SSR3: variants seen among roughly 807,000 people sequenced by gnomAD.
SSR3 encodes the protein signal sequence receptor subunit 3.
A neutral mutation model predicts 22.1 loss-of-function variants in SSR3; 10 were observed. That is an observed-to-expected ratio of 0.45 (90% CI 0.28 to 0.77). The LOEUF is 0.77. Ranked by LOEUF, SSR3 falls within the 30% of genes least tolerant of loss-of-function variation. SSR3 has a pLI of 0.13. For synonymous variants in SSR3, 104 were observed against 82.5 expected, an observed-to-expected ratio of 1.26 and a Z score of -1.42; for missense variants, 181 against 220.5, an observed-to-expected ratio of 0.82 and a Z score of 1.13.
chr3:156,545,074 T>G (rs1719713008), intron 3 of SSR3, among the ~76,000 whole-genome samples: 1 of 152,374 alleles, frequency 6.6e-6, no homozygotes, highest in African/African-American at 2.4e-5. Flanking sequence ...CATCCATCTT[T>G]TCTTTTACCC....
chr3:156,549,701 G>C (rs1464465742), intron 2 of SSR3, among the ~76,000 whole-genome samples: 2 of 152,052 alleles, frequency 1.3e-5, no homozygotes, highest in Non-Finnish European at 2.9e-5. Flanking sequence ...TTAATAAAAA[G>C]AAAACGTTTA....
chr3:156,544,302 G>A lies in SSR3; in HGVS notation c.491+6C>T. On this transcript the variant is annotated splice_donor_region_variant and intron_variant, in intron 4 of 4. Coordinates refer to ENST00000265044, the MANE Select transcript of SSR3 (RefSeq NM_007107.5). ...TAAAAAAGATAATCAACCTTGAAAA[G>A]GATACACTGTGGGGTTGAAGTTCTT... is the stretch of plus-strand genomic sequence containing the variant. The A allele has an allele frequency of 6.4e-7, 1 of 1,563,562 alleles. No individual in the cohort carries two copies. Among genetic ancestry groups the A allele is most frequent in the Non-Finnish European group, 8.6e-7 (1 of 1,157,164 alleles).
Position 156,555,073 on chromosome 3 carries a change from C to A in SSR3, c.17G>T (p.Ser6Ile), listed in dbSNP as rs370480065. The A allele has an allele frequency of 4.0e-5, 65 of 1,613,802 alleles. No individual in the cohort carries two copies. Among genetic ancestry groups the A allele is most frequent in the South Asian group, 4.0e-4 (36 of 91,088 alleles). MAPKG[S>I]SKQQSEEDLL... ...GTCCTCCTCAGACTGCTGTTTGGAG[C>A]TGCCTTTAGGAGCCATGGCGGAGCT... Residue 6 changes from serine (S) to isoleucine (I), a missense_variant, in exon 1 of 5, where the codon AGC (serine) becomes ATC (isoleucine). Transcript: ENST00000265044.
chr3:156,554,419 T>C (rs1030143626), intron 1 of SSR3, among the ~76,000 whole-genome samples: 1 of 152,190 alleles, frequency 6.6e-6, no homozygotes, highest in Non-Finnish European at 1.5e-5. Flanking sequence ...TATTAAAAAG[T>C]ATAAATAAGG....
At chr3:156,545,902 G>T (rs754040949) in intron 3 of SSR3, among the ~76,000 whole-genome samples, 1 of 152,186 alleles carries the variant, frequency 6.6e-6, no homozygotes, top group Non-Finnish European at 1.5e-5. Flanking sequence ...ACACTAGAAT[G>T]AACACTCAGG....
chr3:156,554,939 C>T lies in SSR3; in HGVS notation c.133+18G>A. ...CTAGCCGGCGGCCTGCCTAACCCGCCTCGCTCCCAGCACTCACAGATGGGG... is the reference window on the plus strand; with the variant it reads ...CTAGCCGGCGGCCTGCCTAACCCGCTTCGCTCCCAGCACTCACAGATGGGG... On this transcript the variant is annotated intron_variant, in intron 1 of 4. Coordinates refer to ENST00000265044, the MANE Select transcript of SSR3 (RefSeq NM_007107.5). 6.2e-7 allele frequency: 1 copy of T among 1,610,256 alleles called. No individual in the cohort carries two copies. Among genetic ancestry groups the T allele is most frequent in the Non-Finnish European group, 8.5e-7 (1 of 1,178,526 alleles).
chr3:156,550,492 A>T (rs1719911433), intron 2 of SSR3, among the ~76,000 whole-genome samples: 1 of 152,216 alleles, frequency 6.6e-6, no homozygotes, highest in South Asian at 2.1e-4. Flanking sequence ...GCAACTCAAG[A>T]GGAGGAAGCC....
rs1719433769 is a variant in SSR3 at position 156,540,651 on chromosome 3, TAA to T, written c.*2550_*2551del. 1 of 150,924 alleles carries T rather than the reference TAA, an allele frequency of 6.6e-6. No individual in the cohort carries two copies. Among genetic ancestry groups the T allele is most frequent in the African/African-American group, 2.4e-5 (1 of 41,108 alleles). 9.3% of individuals were successfully genotyped at this position (150,924 alleles called of 1,614,324 possible). ...AAGAATATCAATCCAAGATTTTTAT[TAA>T]GTTAAAATGAAGGAACTAAAAATAG... On this transcript the variant is annotated 3_prime_UTR_variant, in exon 5 of 5. Transcript: ENST00000265044.
At chr3:156,543,966 GC>G in intron 4 of SSR3, 1 of 273,082 alleles carries the variant, frequency 3.7e-6, no homozygotes, top group Non-Finnish European at 6.8e-6. Context: ...AACCCCCAGA[GC>G]CCAAAAATAA....
In SSR3 at chr3:156,540,166, A is replaced by ATACT. The variant is rs1319598563; in HGVS notation, c.*3033_*3036dup. ...AAATTTTAAGAAGCAAAGTTTAATC[A>ATACT]TACTTATTAAGCAAGACTTTTCACA... On this transcript the variant is annotated 3_prime_UTR_variant, in exon 5 of 5. Coordinates refer to ENST00000265044, the MANE Select transcript of SSR3 (RefSeq NM_007107.5). 6.6e-6 allele frequency: 1 copy of ATACT among 152,172 alleles called. No homozygotes were observed. The highest frequency in any genetic ancestry group is 1.9e-4 in the East Asian group (1 of 5,166). 9.4% of individuals were successfully genotyped at this position (152,172 alleles called of 1,614,324 possible).
rs769563040 is a variant in SSR3, at chr3:156,549,016, GAA to G, written c.261-15_261-14del. ...CTTCTGTGCTACTCTGGAAGAAAAA[GAA>G]AAAAAGAAAAAGTTTCCATATGCTA... On this transcript the variant is annotated splice_polypyrimidine_tract_variant and intron_variant, in intron 2 of 4. Transcript: ENST00000265044. 1.3e-6 allele frequency: 2 copies of G among 1,598,428 alleles called. No homozygotes were observed. Among genetic ancestry groups the G allele is most frequent in the Admixed American group, 3.6e-5 (2 of 56,302 alleles).
chr3:156,555,061 T>C lies in SSR3; in HGVS notation c.29A>G (p.Gln10Arg), dbSNP rs978230261. Residue 10 changes from glutamine to arginine, a missense_variant, in exon 1 of 5, where the codon CAG becomes CGG. Coordinates refer to ENST00000265044, the MANE Select transcript of SSR3 (RefSeq NM_007107.5). MAPKGSSKQ[Q>R]SEEDLLLQDF... Reference sequence around the variant, plus strand: ...CTGCAGGAGCAGGTCCTCCTCAGACTGCTGTTTGGAGCTGCCTTTAGGAGC... The same window carrying C: ...CTGCAGGAGCAGGTCCTCCTCAGACCGCTGTTTGGAGCTGCCTTTAGGAGC... The C allele has an allele frequency of 8.1e-6, 13 of 1,613,790 alleles. No homozygotes were observed. Among genetic ancestry groups the C allele is most frequent in the Non-Finnish European group, 9.3e-6 (11 of 1,179,946 alleles).
chr3:156,547,905 T>C (rs1197061963), intron 3 of SSR3, among the ~76,000 whole-genome samples: 1 of 152,232 alleles, frequency 6.6e-6, no homozygotes, highest in Non-Finnish European at 1.5e-5. Flanking sequence ...GCTCAGTTGC[T>C]GTAACTAACT....
intron 3 of SSR3, 75 bp downstream of exon 3, chr3:156,548,829 TC>T: frequency 1.3e-6 from 2 of 1,561,474 alleles, no homozygotes; most frequent in Non-Finnish European, 1.7e-6. Flanking sequence ...AAATCCAAAT[TC>T]TTTAAGCAAA....
rs1719559383 is a variant in SSR3, at chr3:156,542,111, C to T, written c.*1092G>A. 1 of 152,154 alleles carries T rather than the reference C, an allele frequency of 6.6e-6. No homozygotes were observed. Among genetic ancestry groups the T allele is most frequent in the South Asian group, 2.1e-4 (1 of 4,832 alleles). 9.4% of individuals were successfully genotyped at this position (152,154 alleles called of 1,614,324 possible). On this transcript the variant is annotated 3_prime_UTR_variant, in exon 5 of 5. Coordinates refer to ENST00000265044, the MANE Select transcript of SSR3 (RefSeq NM_007107.5). ...CCTTTTAGCTGATATTGCTAAAGAGCTTCCCAAACTTTTTCAAGTCATGGC... is the reference window on the plus strand; with the variant it reads ...CCTTTTAGCTGATATTGCTAAAGAGTTTCCCAAACTTTTTCAAGTCATGGC...
chr3:156,549,045 A>G, intron 2 of SSR3, 42 bp from the exon 3 acceptor site: 2 of 1,577,106 alleles, frequency 1.3e-6, no homozygotes, highest in Non-Finnish European at 1.7e-6. Context: ...CATATGCTAC[A>G]GAGGTGAACA....
chr3:156,546,753 G>A (rs1719778718), intron 3 of SSR3, among the ~76,000 whole-genome samples: 1 of 152,194 alleles, frequency 6.6e-6, no homozygotes, highest in African/African-American at 2.4e-5. Flanking sequence ...TTGAGACCAA[G>A]CAACTGTTAA....
rs552167125 is a variant in SSR3, at chr3:156,544,471, A to T, written c.360-32T>A. 8.8e-6 allele frequency: 13 copies of T among 1,475,052 alleles called. No individual in the cohort carries two copies. The South Asian group carries it at 1.5e-4, about 17-fold the overall frequency. The allele number at this position is 1,475,052 out of a possible 1,614,324, so 91.4% of individuals were successfully genotyped here. ...ACACAGAAACAAGTCAAACAAGCTT[A>T]TAAATATGATTTAAAAAAACTTTTA... On this transcript the variant is annotated intron_variant, in intron 3 of 4. Coordinates refer to ENST00000265044, the MANE Select transcript of SSR3 (RefSeq NM_007107.5).
At chr3:156,544,498 G>C in intron 3 of SSR3, 59 bp from the exon 4 acceptor site, 1 of 1,386,740 alleles carries the variant, frequency 7.2e-7, no homozygotes, top group Non-Finnish European at 9.6e-7. Context: ...AAACTTTTAA[G>C]TACCATATGG....
Sources: gnomAD v4.1 joint callset for allele counts (sites outside exome capture counted in the v4.1 genomes callset) on GRCh38, gnomAD v4.1.1 for gene constraint, MANE v1.5 for transcripts, NCBI Gene and HGNC (gene_info 2026-07-23, HGNC 2026-07-21) for gene names.